The following SYNE1 variants were observed in gnomAD, a reference collection of about 807,000 sequenced individuals.
SYNE1 encodes the protein nesprin-1.
SYNE1 carries 616 observed loss-of-function variants against 1,111.0 expected under a neutral mutation model. The ratio of observed to expected loss-of-function variants is 0.55; its 90% CI spans 0.52 to 0.59. The LOEUF (loss-of-function observed/expected upper bound fraction) is 0.59, where lower values mean the gene tolerates loss of function less well. SYNE1 is among the 20% of genes least tolerant of loss of function. The probability of loss-of-function intolerance (pLI) is 0.00; values close to 1 mark genes in which losing one functional copy is unlikely to be tolerated. For missense variants in SYNE1, 10,006 were observed against 10,417.0 expected, an observed-to-expected ratio of 0.96 and a Z score of 1.72; for synonymous variants, 3,855 against 3,825.8, an observed-to-expected ratio of 1.01 and a Z score of -0.28.
chr6:152,377,481 C>T (rs189167345), intron 56 of SYNE1, among the ~76,000 whole-genome samples: 133 of 150,194 alleles, frequency 8.9e-4, no homozygotes, highest in African/African-American at 1.6e-3. Flanking sequence ...TGGTGGTGGG[C>T]GCCTGTAATC....
intron 33 of SYNE1, 21 bp from the exon 34 acceptor site, chr6:152,433,966 T>C (rs774305111): frequency 2.5e-6 from 4 of 1,589,088 alleles, no homozygotes; most frequent in South Asian, 2.2e-5. Context: ...CCAAATTAAG[T>C]AAATAAAACT....
At position 152,151,623 on chromosome 6, in the gene SYNE1, A is replaced by G; in HGVS notation, c.24380T>C (p.Met8127Thr). 1 of 1,614,216 alleles carries G rather than the reference A, an allele frequency of 6.2e-7. No homozygotes were observed. Residue 8127 changes from methionine to threonine, a missense_variant, in exon 135 of 146, where the codon ATG becomes ACG. Physicochemically the swap from Met to Thr is moderately conservative, Grantham distance 81. This residue lies in a region of SYNE1 where 34 missense variants were observed against 68.3 expected (regional missense o/e 0.50). Coordinates refer to ENST00000367255, the MANE Select transcript of SYNE1 (RefSeq NM_182961.4). ...RDSILVWLTE[M>T]DLQLTNIEHF... is the part of the protein sequence containing the mutation. ...TTCAATATTAGTGAGCTGCAGATCC[A>G]TCTCTGTGAGCCAGACCAGAATGCT... is the stretch of plus-strand genomic sequence containing the variant.
In SYNE1 at chr6:152,444,495, G is replaced by A. The variant is rs2098558039; in HGVS notation, c.3753C>T (p.Gly1251=). The change falls in exon 30 of 146, where the codon GGC becomes GGT. Residue 1251 remains glycine, a synonymous_variant. Coordinates refer to ENST00000367255, the MANE Select transcript of SYNE1 (RefSeq NM_182961.4). ...VKNSLEELIS[G]SKEVQEQAEK... The stretch of plus-strand genomic sequence containing the variant: ...CAGCTTGTTCCTGGACTTCTTTAGA[G>A]CCAGAAATTAATTCTTCGAGAGAAT... 1 of 1,613,844 alleles carries A rather than the reference G, an allele frequency of 6.2e-7. No individual in the cohort carries two copies.
intron 98 of SYNE1, 60 bp from the exon 99 acceptor site, chr6:152,269,346 G>C (rs2093010917): frequency 1.2e-6 from 2 of 1,611,762 alleles, no homozygotes; most frequent in African/African-American, 1.3e-5. Context: ...TAACCAAAGG[G>C]GAGAGAAGGC....
intron 82 of SYNE1, among the ~76,000 whole-genome samples, chr6:152,322,852 C>T (rs2095911223): frequency 6.6e-6 from 1 of 152,202 alleles, no homozygotes; most frequent in Non-Finnish European, 1.5e-5. Context: ...CCCCTCTCCT[C>T]GGCTGCTTGT....
In SYNE1 at chr6:152,219,016, T is replaced by C; in HGVS notation, c.22031A>G (p.Gln7344Arg). The part of the protein sequence containing the change: ...CALEQALCKQ[Q>R]TSLQAGVLDY... Reference sequence around the variant, plus strand: ...GGAGCTCTGTACCTGTAATGAAGTCTGCTGTTTGCAGAGAGCTTGCTCCAG... The same window carrying C: ...GGAGCTCTGTACCTGTAATGAAGTCCGCTGTTTGCAGAGAGCTTGCTCCAG... The change falls in exon 120 of 146, where the codon CAG becomes CGG. Residue 7344 changes from glutamine to arginine, a missense_variant. This residue lies in a region of SYNE1 where 2,182 missense variants were observed against 2,287.8 expected (regional missense o/e 0.95). Coordinates refer to ENST00000367255, the MANE Select transcript of SYNE1 (RefSeq NM_182961.4). The C allele has an allele frequency of 6.2e-7, 1 of 1,614,068 alleles. No homozygotes were observed. The highest frequency in any genetic ancestry group is 8.5e-7 in the Non-Finnish European group (1 of 1,179,996).
At chr6:152,549,777 A>G (rs1160128260) in intron 3 of SYNE1, among the ~76,000 whole-genome samples, 3 of 152,024 alleles carry the variant, frequency 2.0e-5, no homozygotes, top group Admixed American at 6.6e-5. Flanking sequence ...TTTTTTTTTC[A>G]AGTGAATGTC....
intron 3 of SYNE1, among the ~76,000 whole-genome samples, chr6:152,591,314 A>G (rs1303794883): frequency 1.3e-5 from 2 of 152,316 alleles, no homozygotes; most frequent in East Asian, 1.9e-4. Flanking sequence ...AAACAGACAC[A>G]TAGACTGATG....
chr6:152,587,579 T>C (rs879756490), intron 3 of SYNE1, among the ~76,000 whole-genome samples: 1 of 151,998 alleles, frequency 6.6e-6, no homozygotes, highest in Non-Finnish European at 1.5e-5. Context: ...GTGGGGTGAG[T>C]TGCTCAGGCA....
chr6:152,457,955 T>C (rs1435786899), intron 22 of SYNE1, among the ~76,000 whole-genome samples: 2 of 150,544 alleles, frequency 1.3e-5, no homozygotes, highest in East Asian at 3.9e-4. Context: ...TTTATATAAA[T>C]ATCCTCTCTG....
chr6:152,524,417 A>G (rs1041633360), intron 5 of SYNE1, among the ~76,000 whole-genome samples: 1 of 152,182 alleles, frequency 6.6e-6, no homozygotes, highest in African/African-American at 2.4e-5. Flanking sequence ...CTACATGAAT[A>G]TTCACATAAA....
intron 3 of SYNE1, among the ~76,000 whole-genome samples, chr6:152,613,616 A>G (rs1275496282): frequency 6.6e-6 from 1 of 152,096 alleles, no homozygotes; most frequent in Admixed American, 6.6e-5. Context: ...GACTTTCTCC[A>G]CAGAATTGAA....
At chr6:152,583,425 A>G (rs1021292964) in intron 3 of SYNE1, among the ~76,000 whole-genome samples, 1 of 152,176 alleles carries the variant, frequency 6.6e-6, no homozygotes, top group Admixed American at 6.5e-5. Flanking sequence ...CCATTCCCTT[A>G]TTATGAGGAT....
chr6:152,323,641 C>A lies in SYNE1; in HGVS notation c.15754G>T (p.Glu5252Ter), dbSNP rs1444801958. Residue 5252 changes from glutamate to a stop codon, truncating the protein, a stop_gained, in exon 82 of 146, where the codon GAA (glutamate) becomes TAA (stop). Transcript: ENST00000367255. LOFTEE classifies it high-confidence loss of function. ...TCCAGAACGAACGTGTCGTGGTATT[C>A]AAGAAGAGTTAAGAGCTCTGCTTTC... ...ASKAELLTLLEYHDTFVLELE... is the reference protein window; with the variant it reads ...ASKAELLTLL 1 of 1,614,110 alleles carries A rather than the reference C, an allele frequency of 6.2e-7. No homozygotes were observed. The highest frequency in any genetic ancestry group is 8.5e-7 in the Non-Finnish European group (1 of 1,180,050).
At chr6:152,494,297 A>G (rs1187128531) in intron 11 of SYNE1, among the ~76,000 whole-genome samples, 3 of 152,032 alleles carry the variant, frequency 2.0e-5, no homozygotes, top group Non-Finnish European at 4.4e-5. Context: ...ATCTCCCACA[A>G]TTACCATTGT....
intron 130 of SYNE1, among the ~76,000 whole-genome samples, chr6:152,175,413 C>T (rs768652227): frequency 3.3e-5 from 5 of 152,180 alleles, no homozygotes; most frequent in Admixed American, 2.6e-4. Flanking sequence ...CATTGTTTCA[C>T]GTCCACTTTT....
At chr6:152,217,511 G>A (rs191924516) in intron 121 of SYNE1, among the ~76,000 whole-genome samples, 23 of 152,102 alleles carry the variant, frequency 1.5e-4, no homozygotes, top group Admixed American at 3.9e-4. Context: ...ATTAAATCAA[G>A]CTAATTAAGT....
intron 29 of SYNE1, among the ~76,000 whole-genome samples, chr6:152,446,108 A>ATTT (rs11351100): frequency 7.7e-6 from 1 of 129,504 alleles, no homozygotes; most frequent in African/African-American, 2.9e-5. Context: ...AAGACAGTCA[A>ATTT]TTTTTTTTTT....
In SYNE1 at chr6:152,483,143, A is replaced by G; in HGVS notation, c.1292T>C (p.Val431Ala). The G allele has an allele frequency of 6.2e-7, 1 of 1,614,116 alleles. No individual in the cohort carries two copies. Among genetic ancestry groups the G allele is most frequent in the Non-Finnish European group, 8.5e-7 (1 of 1,180,006 alleles). ...AEVALREEIT[V>A]QQVHEETANT... ...TGCTGTTTCCTCGTGGACCTGTTGA[A>G]CGGTTATTTCCTCTCTCAGGGCCAC... is the stretch of plus-strand genomic sequence containing the variant. The change falls in exon 14 of 146, where the codon GTT becomes GCT. Residue 431 changes from valine to alanine, a missense_variant. Transcript: ENST00000367255.
Sources: gnomAD v4.1 joint callset for allele counts (sites outside exome capture counted in the v4.1 genomes callset) on GRCh38, gnomAD v4.1.1 for gene constraint, gnomAD v4.1.1 regional missense constraint, MANE v1.5 for transcripts, NCBI Gene and HGNC (gene_info 2026-07-23, HGNC 2026-07-21) for gene names.